Variants in FAM193A observed in about 807,000 individuals in gnomAD.
The protein encoded by FAM193A is protein FAM193A.
In FAM193A, 22 loss-of-function variants were observed where a neutral mutation model predicts 126.5. The ratio of observed to expected loss-of-function variants is 0.17; its 90% CI spans 0.12 to 0.25. The LOEUF (loss-of-function observed/expected upper bound fraction) is 0.25, where lower values mean the gene tolerates loss of function less well. Ranked by LOEUF, FAM193A falls within the 10% of genes least tolerant of loss-of-function variation. FAM193A has a pLI of 1.00. For missense variants in FAM193A, 1,675 were observed against 1,672.8 expected, an observed-to-expected ratio of 1.00 and a Z score of -0.02; for synonymous variants, 761 against 646.8, an observed-to-expected ratio of 1.18 and a Z score of -2.68.
At chr4:2,536,123 G>A (rs567164360), upstream of FAM193A, among the ~76,000 whole-genome samples, 3 of 151,740 alleles carry the variant, frequency 2.0e-5, no homozygotes, top group South Asian at 4.1e-4. Context: ...CGGGAGCCGC[G>A]CCGGTCTGCG....
chr4:2,637,744 G>A lies in FAM193A; in HGVS notation c.1039-1991G>A, dbSNP rs543082453. On this transcript the variant is annotated intron_variant, in intron 5 of 20. Transcript: ENST00000637812. ...CAGTTATTTGAGCCCCTCTATGCTGGTTCCACGCCTGTCGATGGGGCATGG... is the reference window on the plus strand; with the variant it reads ...CAGTTATTTGAGCCCCTCTATGCTGATTCCACGCCTGTCGATGGGGCATGG... Among the ~76,000 whole-genome samples the A allele has an allele frequency of 3.3e-5, 5 of 152,308 alleles. No homozygotes were observed. The East Asian group carries it at 7.7e-4, about 24-fold the overall frequency.
chr4:2,727,822 C>A (rs1169894616), intron 20 of FAM193A, among the ~76,000 whole-genome samples: 1 of 152,042 alleles, frequency 6.6e-6, no homozygotes, highest in Non-Finnish European at 1.5e-5. Flanking sequence ...AGACTTTAAA[C>A]CCCAAAAGAC....
chr4:2,552,387 G>C (rs549692869), intron 1 of FAM193A, among the ~76,000 whole-genome samples: 1 of 151,472 alleles, frequency 6.6e-6, no homozygotes, highest in South Asian at 2.1e-4. Flanking sequence ...CTGAGTTTAA[G>C]CAATCTGCCC....
At chr4:2,640,168 G>A (rs188373624) in intron 6 of FAM193A, among the ~76,000 whole-genome samples, 1 of 152,294 alleles carries the variant, frequency 6.6e-6, no homozygotes, top group Non-Finnish European at 1.5e-5. Context: ...CTGTGGTGTG[G>A]TTCATGCTAT....
chr4:2,730,785 TG>T (rs1279183368), intron 20 of FAM193A, among the ~76,000 whole-genome samples: 1 of 151,956 alleles, frequency 6.6e-6, no homozygotes, highest in Non-Finnish European at 1.5e-5. Context: ...CCTAACTATT[TG>T]GGAAGCTGAG....
chr4:2,690,806 C>T lies in FAM193A; in HGVS notation c.2639C>T (p.Ala880Val), dbSNP rs758559271. The T allele has an allele frequency of 7.4e-6, 12 of 1,614,058 alleles. No homozygotes were observed. The highest frequency in any genetic ancestry group is 2.2e-5 in the South Asian group (2 of 91,082). ...AVSDSKEKKNAAKKKCLYNFQ... is the reference protein window; with the variant it reads ...AVSDSKEKKNVAKKKCLYNFQ... Reference sequence around the variant, plus strand: ...TCGGATAGTAAAGAGAAAAAGAATGCTGCAAAAAAGAAATGTTTATACAAT... The same window carrying T: ...TCGGATAGTAAAGAGAAAAAGAATGTTGCAAAAAAGAAATGTTTATACAAT... Residue 880 changes from alanine (A) to valine (V), a missense_variant, in exon 15 of 21, where the codon GCT becomes GTT. Physicochemically the swap from Ala to Val is moderately conservative, Grantham distance 64. This residue lies in a region of FAM193A where 1,186 missense variants were observed against 1,109.2 expected (regional missense o/e 1.07). Coordinates refer to ENST00000637812, the MANE Select transcript of FAM193A (RefSeq NM_001366318.2).
At chr4:2,606,629 A>C (rs1157893384) in intron 2 of FAM193A, among the ~76,000 whole-genome samples, 1 of 152,184 alleles carries the variant, frequency 6.6e-6, no homozygotes, top group Non-Finnish European at 1.5e-5. Flanking sequence ...CTCTGAATGG[A>C]TATCTTGCCC....
At position 2,631,145 on chromosome 4, in the gene FAM193A, C is replaced by G. The variant is rs1743536430; in HGVS notation, c.1014C>G (p.Ser338=). ...EYGALCQAAR[S]ISTFLGTLEN... ...GCGCCCTCTGCCAGGCCGCACGCTC[C>G]ATCAGCACCTTCCTTGGCACTCTGG... The change falls in exon 5 of 21, where the codon TCC becomes TCG. Residue 338 remains serine (S), a synonymous_variant. Coordinates refer to ENST00000637812, the MANE Select transcript of FAM193A (RefSeq NM_001366318.2). The G allele has an allele frequency of 6.2e-7, 1 of 1,611,784 alleles. No homozygotes were observed. The highest frequency in any genetic ancestry group is 1.7e-5 in the Admixed American group (1 of 59,648).
intron 1 of FAM193A, among the ~76,000 whole-genome samples, chr4:2,567,413 A>G (rs542377056): frequency 1.3e-5 from 2 of 152,356 alleles, no homozygotes; most frequent in African/African-American, 4.8e-5. Context: ...AAAGACTGCC[A>G]GTAAAACTGA....
chr4:2,656,149 G>C (rs1401554812), intron 7 of FAM193A, among the ~76,000 whole-genome samples: 2 of 152,082 alleles, frequency 1.3e-5, no homozygotes, highest in East Asian at 1.9e-4. Flanking sequence ...GGTCTTACTT[G>C]TTTTGTATAA....
chr4:2,672,634 A>G (rs115500796), intron 13 of FAM193A, among the ~76,000 whole-genome samples: 2,667 of 152,326 alleles, frequency 0.018, 63 homozygotes, highest in African/African-American at 0.051. Context: ...AGGATTTTTC[A>G]GGTGCTATTT....
At chr4:2,695,244 C>A in intron 17 of FAM193A, 115 bp downstream of exon 17, 1 of 811,328 alleles carries the variant, frequency 1.2e-6, no homozygotes, top group Non-Finnish European at 1.8e-6. Context: ...AGGGTATATC[C>A]ATTGTAAAGA....
At chr4:2,598,742 T>G (rs149646024) in intron 2 of FAM193A, among the ~76,000 whole-genome samples, 1 of 152,246 alleles carries the variant, frequency 6.6e-6, no homozygotes, top group Non-Finnish European at 1.5e-5. Flanking sequence ...GTTGTGCACC[T>G]GGGAGGCCAG....
chr4:2,661,237 C>T (rs1001000842), intron 10 of FAM193A, among the ~76,000 whole-genome samples: 8 of 152,202 alleles, frequency 5.3e-5, no homozygotes, highest in African/African-American at 1.9e-4. Context: ...TGATCAATGT[C>T]TTCCAAATGT....
chr4:2,544,031 T>G (rs1023748912), intron 1 of FAM193A, among the ~76,000 whole-genome samples: 8 of 152,110 alleles, frequency 5.3e-5, no homozygotes, highest in African/African-American at 1.7e-4. Context: ...TTGTAGAAAT[T>G]GCGACCACGG....
intron 13 of FAM193A, among the ~76,000 whole-genome samples, chr4:2,675,937 G>A (rs1292938997): frequency 1.3e-5 from 2 of 152,114 alleles, no homozygotes. Flanking sequence ...TGTCCTCAGC[G>A]TTTATTCATG....
chr4:2,707,969 C>T (rs1338426858), intron 19 of FAM193A, among the ~76,000 whole-genome samples: 2 of 152,106 alleles, frequency 1.3e-5, no homozygotes, highest in Non-Finnish European at 2.9e-5. Flanking sequence ...AGGCTAGTCT[C>T]GAACTCCTGA....
At chr4:2,719,766 TCCTTCCTCCCTCCCTC>T (rs1295538527) in intron 20 of FAM193A, among the ~76,000 whole-genome samples, 33 of 120,804 alleles carry the variant, frequency 2.7e-4, no homozygotes, top group African/African-American at 8.3e-4. Context: ...AAATCCTCCT[TCCTTCCTCCCTCCCTC>T]CCTCCCTCCC....
At chr4:2,650,999 G>C (rs1022518301) in intron 7 of FAM193A, among the ~76,000 whole-genome samples, 2 of 152,186 alleles carry the variant, frequency 1.3e-5, no homozygotes, top group Non-Finnish European at 2.9e-5. Flanking sequence ...ATCAGACCTG[G>C]AGGGGTGTGT....
Sources: allele counts gnomAD v4.1 joint callset (sites outside exome capture counted in the v4.1 genomes callset), GRCh38; gene constraint gnomAD v4.1.1; regional missense constraint gnomAD v4.1.1; transcripts MANE v1.5; gene names NCBI Gene and HGNC (gene_info 2026-07-23, HGNC 2026-07-21).